SPMAP2: variants seen among roughly 807,000 people sequenced by gnomAD.
SPMAP2 encodes the protein Theg homolog.
chr19:362,342 C>T, the SPMAP2 span: 1 of 1,610,648 alleles, frequency 6.2e-7, no homozygotes, highest in Admixed American at 1.7e-5. Context: ...GATCCGGGGG[C>T]TGGCCACCAC....
At chr19:372,761 G>T in the SPMAP2 span, 1 of 1,532,030 alleles carries the variant, frequency 6.5e-7, no homozygotes. Context: ...AGTTCCCAGG[G>T]GCTTCTGCAT....
the SPMAP2 span, chr19:376,014 C>A: frequency 5.9e-5 from 81 of 1,379,996 alleles, no homozygotes; most frequent in Non-Finnish European, 6.9e-5. Context: ...TCTCCCGGCA[C>A]CCAAATGTGT....
the SPMAP2 span, chr19:372,548 C>G: frequency 1.4e-6 from 2 of 1,438,770 alleles, no homozygotes; most frequent in Non-Finnish European, 2.0e-6. Context: ...GACCCTTTCC[C>G]ACACAGCATC....
At chr19:374,528 C>G in the SPMAP2 span, 2 of 1,441,508 alleles carry the variant, frequency 1.4e-6, no homozygotes, top group Non-Finnish European at 1.9e-6. Flanking sequence ...CTGCACTCAC[C>G]CTGCCCACCC....
chr19:373,590 A>G, the SPMAP2 span: 2 of 1,563,124 alleles, frequency 1.3e-6, no homozygotes, highest in African/African-American at 1.4e-5. Flanking sequence ...CTGCCCGGAA[A>G]CAAGCCTGGG....
At chr19:372,798 G>T in the SPMAP2 span, 2 of 1,179,528 alleles carry the variant, frequency 1.7e-6, no homozygotes, top group Non-Finnish European at 2.5e-6. Context: ...CATGAGCTTG[G>T]GCAGGAGGCT....
At chr19:366,979 T>G in the SPMAP2 span, 2 of 1,433,950 alleles carry the variant, frequency 1.4e-6, no homozygotes, top group African/African-American at 3.0e-5. Context: ...AGAGCTTCCC[T>G]CTGCCCGCTC....
At chr19:371,359 CG>C in the SPMAP2 span, 4 of 1,199,994 alleles carry the variant, frequency 3.3e-6, no homozygotes, top group South Asian at 3.7e-5. Context: ...GCAGCTCGGC[CG>C]GGGGTGGGGG....
At chr19:369,210 G>A in the SPMAP2 span, among the ~76,000 whole-genome samples, 1 of 152,178 alleles carries the variant, frequency 6.6e-6, no homozygotes, top group African/African-American at 2.4e-5. Flanking sequence ...CACACAGTGA[G>A]GGGAATAGAA....
chr19:372,433 CAAGCAGCCTGCTGGGGATGTGGACTGGG>C, the SPMAP2 span, among the ~76,000 whole-genome samples: 18 of 152,366 alleles, frequency 1.2e-4, no homozygotes, highest in South Asian at 1.2e-3. Context: ...TGCACGGGGC[CAAGCAGCCTGCTGGGGATGTGGACTGGG>C]AAGCAGCCTG....
the SPMAP2 span, chr19:374,549 T>G: frequency 7.6e-7 from 1 of 1,313,468 alleles, no homozygotes; most frequent in Non-Finnish European, 1.0e-6. Flanking sequence ...GCCTCTCCTT[T>G]CCCTCGAGGG....
chr19:363,781 C>T, the SPMAP2 span, among the ~76,000 whole-genome samples: 37 of 152,046 alleles, frequency 2.4e-4, no homozygotes, highest in African/African-American at 6.5e-4. Flanking sequence ...GCAACCTGCC[C>T]GCCTCGGCCT....
At chr19:370,633 AGCCACCGC>A in the SPMAP2 span, among the ~76,000 whole-genome samples, 4 of 151,958 alleles carry the variant, frequency 2.6e-5, no homozygotes, top group African/African-American at 9.7e-5. Context: ...GACAGGCGTG[AGCCACCGC>A]GCCCGGCGTA....
the SPMAP2 span, among the ~76,000 whole-genome samples, chr19:363,377 G>A: frequency 2.0e-5 from 3 of 152,022 alleles, no homozygotes; most frequent in African/African-American, 4.8e-5. Flanking sequence ...ATTTTCAGCA[G>A]AGACGGGGTT....
chr19:374,265 GC>G, the SPMAP2 span: 1 of 1,609,658 alleles, frequency 6.2e-7, no homozygotes, highest in Admixed American at 1.7e-5. Flanking sequence ...CGCCCACGCT[GC>G]CCCTACGAGG....
the SPMAP2 span, among the ~76,000 whole-genome samples, chr19:370,147 C>G: frequency 6.6e-6 from 1 of 152,002 alleles, no homozygotes; most frequent in Admixed American, 6.5e-5. Flanking sequence ...GAATGCAAGA[C>G]GGCGGCCAGG....
chr19:371,647 C>T, the SPMAP2 span, among the ~76,000 whole-genome samples: 6 of 152,266 alleles, frequency 3.9e-5, no homozygotes, highest in South Asian at 6.2e-4. Flanking sequence ...CCTTCTGGGA[C>T]GGCAGCTCCT....
chr19:363,127 G>A, the SPMAP2 span, among the ~76,000 whole-genome samples: 13,540 of 152,198 alleles, frequency 0.089, 981 homozygotes, highest in African/African-American at 0.19. Flanking sequence ...GAAATTGACT[G>A]TGGTGGTGGT....
chr19:375,640 C>T, the SPMAP2 span: 6 of 1,532,416 alleles, frequency 3.9e-6, no homozygotes, highest in Non-Finnish European at 5.3e-6. Context: ...CGCACCCAGG[C>T]AGGCCCGTTC....
Sources: allele counts gnomAD v4.1 joint callset (sites outside exome capture counted in the v4.1 genomes callset), GRCh38; gene constraint gnomAD v4.1.1; transcripts MANE v1.5; gene names NCBI Gene and HGNC (gene_info 2026-07-23, HGNC 2026-07-21).